The following CSMD1 variants were observed in gnomAD, a reference collection of about 807,000 sequenced individuals.
CSMD1 encodes CUB and sushi domain-containing protein 1.
A neutral mutation model predicts 417.5 loss-of-function variants in CSMD1; 213 were observed. The ratio of observed to expected loss-of-function variants is 0.51; its 90% CI spans 0.46 to 0.57. The LOEUF is 0.57. Ranked by LOEUF, CSMD1 falls within the 20% of genes least tolerant of loss-of-function variation. CSMD1 has a pLI of 0.00. For synonymous variants in CSMD1, 2,862 were observed against 1,736.8 expected, an observed-to-expected ratio of 1.65 and a Z score of -16.11; for missense variants, 6,923 against 4,529.7, an observed-to-expected ratio of 1.53 and a Z score of -15.17.
chr8:3,527,929 TC>T (rs764100036), intron 10 of CSMD1, among the ~76,000 whole-genome samples: 6 of 152,180 alleles, frequency 3.9e-5, no homozygotes, highest in Non-Finnish European at 7.4e-5. Flanking sequence ...GTAGGGCAGT[TC>T]TGTGCAGGTC....
intron 5 of CSMD1, among the ~76,000 whole-genome samples, chr8:3,796,293 T>C (rs575611099): frequency 7.2e-5 from 2 of 27,950 alleles, no homozygotes; most frequent in Admixed American, 4.0e-4. Context: ...TGTATAGATA[T>C]ATCTATCATG....
intron 1 of CSMD1, among the ~76,000 whole-genome samples, chr8:4,756,274 T>C (rs757833419): frequency 2.0e-5 from 3 of 152,296 alleles, no homozygotes; most frequent in Middle Eastern, 3.4e-3. Context: ...TAAAATCACA[T>C]TGCCATCATG....
At chr8:3,706,200 C>T (rs533574721) in intron 7 of CSMD1, among the ~76,000 whole-genome samples, 2 of 152,364 alleles carry the variant, frequency 1.3e-5, no homozygotes, top group South Asian at 4.1e-4. Flanking sequence ...CTGCAACAGG[C>T]AGTTTACACC....
At chr8:3,655,766 T>C (rs1270338821) in intron 7 of CSMD1, among the ~76,000 whole-genome samples, 3 of 151,868 alleles carry the variant, frequency 2.0e-5, no homozygotes, top group Non-Finnish European at 2.9e-5. Flanking sequence ...GCTACGGCTG[T>C]AGGAGGCAGG....
intron 3 of CSMD1, among the ~76,000 whole-genome samples, chr8:4,396,394 G>A (rs932313130): frequency 2.0e-5 from 3 of 152,110 alleles, no homozygotes; most frequent in Non-Finnish European, 4.4e-5. Context: ...TTGAGCCTGG[G>A]AGGCAGAGGT....
At chr8:3,206,387 G>GTGTA (rs755249119) in intron 30 of CSMD1, among the ~76,000 whole-genome samples, 1 of 132,612 alleles carries the variant, frequency 7.5e-6, no homozygotes. Flanking sequence ...CTGTGTGTGT[G>GTGTA]TATGTGTGTG....
chr8:4,583,760 A>T (rs12682113), intron 2 of CSMD1, among the ~76,000 whole-genome samples: 18,361 of 149,656 alleles, frequency 0.12, 1,174 homozygotes, highest in Middle Eastern at 0.25. Context: ...GGCTCTATCA[A>T]TCAGCAGGAT....
intron 3 of CSMD1, among the ~76,000 whole-genome samples, chr8:4,363,875 G>C (rs977354806): frequency 1.3e-5 from 2 of 152,196 alleles, no homozygotes; most frequent in East Asian, 1.9e-4. Flanking sequence ...TGGACATAGA[G>C]AGTAAAGGAC....
intron 3 of CSMD1, among the ~76,000 whole-genome samples, chr8:4,039,128 C>T (rs556162227): frequency 3.3e-5 from 5 of 152,262 alleles, no homozygotes; most frequent in South Asian, 2.1e-4. Context: ...ATCAAAGCAA[C>T]GGCAGCATTT....
Position 4,441,265 on chromosome 8 carries a change from T to TG in CSMD1, c.303-21201_303-21200insC, listed in dbSNP as rs1168168073. Among the ~76,000 whole-genome samples, 11 of 137,602 alleles carry TG rather than the reference T, an allele frequency of 8.0e-5. No homozygotes were observed. The South Asian group carries it at 2.5e-3, about 31-fold the overall frequency. 90.3% of individuals were successfully genotyped at this position (137,602 alleles called of 152,430 possible). On this transcript the variant is annotated intron_variant, in intron 2 of 69. Coordinates refer to ENST00000635120, the MANE Select transcript of CSMD1 (RefSeq NM_033225.6). ...AGGCCTGAGCACTACACTCAGTTTT[T>TG]TTTTTTTTTTTTTTTTTGGTGGGGG...
chr8:4,037,538 A>G (rs1206767105), intron 3 of CSMD1, among the ~76,000 whole-genome samples: 1 of 152,234 alleles, frequency 6.6e-6, no homozygotes, highest in East Asian at 1.9e-4. Context: ...TTTGAAAAAC[A>G]CAAATCAGAC....
chr8:3,689,345 C>A (rs1230015074), intron 7 of CSMD1, among the ~76,000 whole-genome samples: 3 of 152,192 alleles, frequency 2.0e-5, no homozygotes, highest in Admixed American at 2.0e-4. Flanking sequence ...GTATTGTCCT[C>A]CCCTCATACC....
intron 18 of CSMD1, among the ~76,000 whole-genome samples, chr8:3,379,495 C>A (rs928796619): frequency 2.0e-5 from 3 of 152,288 alleles, no homozygotes; most frequent in Non-Finnish European, 1.5e-5. Context: ...TGACTTCGAA[C>A]TATACTACCA....
At chr8:4,059,181 G>C (rs1212129462) in intron 3 of CSMD1, among the ~76,000 whole-genome samples, 22 of 152,248 alleles carry the variant, frequency 1.4e-4, no homozygotes, top group Admixed American at 7.8e-4. Flanking sequence ...ACAACCTGCT[G>C]CTGAATGACT....
intron 3 of CSMD1, among the ~76,000 whole-genome samples, chr8:4,280,227 C>G (rs1796703895): frequency 6.6e-6 from 1 of 152,206 alleles, no homozygotes; most frequent in Admixed American, 6.5e-5. Context: ...GTTACTTTCT[C>G]TCTTTAGGCA....
chr8:4,418,639 C>G (rs185045417), intron 3 of CSMD1, among the ~76,000 whole-genome samples: 1 of 152,034 alleles, frequency 6.6e-6, no homozygotes, highest in East Asian at 1.9e-4. Flanking sequence ...TTTAGAGATG[C>G]TTTTGTAATA....
chr8:4,060,235 A>G (rs1798900760), intron 3 of CSMD1, among the ~76,000 whole-genome samples: 1 of 39,762 alleles, frequency 2.5e-5, no homozygotes, highest in Admixed American at 5.0e-4. Flanking sequence ...CTTTGACAAA[A>G]TTCAACAACC....
intron 63 of CSMD1, 38 bp downstream of exon 63, chr8:2,957,658 A>T: frequency 1.6e-6 from 2 of 1,237,838 alleles, no homozygotes; most frequent in South Asian, 1.3e-5. Context: ...CACAATAAAT[A>T]GGTGACTTGT....
intron 6 of CSMD1, among the ~76,000 whole-genome samples, chr8:3,746,579 A>C (rs955357568): frequency 3.3e-5 from 5 of 152,238 alleles, no homozygotes; most frequent in African/African-American, 9.6e-5. Context: ...GTATTCCATT[A>C]GTCTGCGTGG....
Sources: gnomAD v4.1 joint callset for allele counts (sites outside exome capture counted in the v4.1 genomes callset) on GRCh38, gnomAD v4.1.1 for gene constraint, MANE v1.5 for transcripts, NCBI Gene and HGNC (gene_info 2026-07-23, HGNC 2026-07-21) for gene names.